Variants in CEP135 observed in about 807,000 individuals in gnomAD.
CEP135 encodes the protein centrosomal protein of 135 kDa.
In CEP135, 142 loss-of-function variants were observed where a neutral mutation model predicts 157.3. That is an observed-to-expected ratio of 0.90 (90% CI 0.79 to 1.04). The LOEUF is 1.04. Among genes scored for constraint, CEP135 ranks in the 50% least tolerant of loss-of-function variants. The pLI is 0.00. For synonymous variants in CEP135, 396 were observed against 439.8 expected, an observed-to-expected ratio of 0.90 and a Z score of 1.25; for missense variants, 1,317 against 1,309.2, an observed-to-expected ratio of 1.01 and a Z score of -0.09.
intron 17 of CEP135, among the ~76,000 whole-genome samples, chr4:56,001,514 GC>G (rs1238784538): frequency 6.6e-6 from 1 of 152,110 alleles, no homozygotes; most frequent in Non-Finnish European, 1.5e-5. Flanking sequence ...TGAAAAGACT[GC>G]CCTGTCCCCA....
Position 55,971,330 on chromosome 4 carries a change from G to A in CEP135, c.1171G>A (p.Asp391Asn). ...GAGTGATGAACTCCTTGTAAAATCA[G>A]ACCTAGAAACTGTTGTTCATCAGCT... is the stretch of plus-strand genomic sequence containing the variant. Reference protein sequence around the residue: ...RLSDELLVKSDLETVVHQLEQ... With the variant: ...RLSDELLVKSNLETVVHQLEQ... The change falls in exon 10 of 26, where the codon GAC (aspartate) becomes AAC (asparagine). Residue 391 changes from aspartate to asparagine, a missense_variant. By Grantham distance (23) the Asp-to-Asn change is conservative. Coordinates refer to ENST00000257287, the MANE Select transcript of CEP135 (RefSeq NM_025009.5). 1.2e-6 allele frequency: 2 copies of A among 1,607,314 alleles called. No individual in the cohort carries two copies. Among genetic ancestry groups the A allele is most frequent in the Non-Finnish European group, 1.7e-6 (2 of 1,177,140 alleles).
At position 55,953,090 on chromosome 4, in the gene CEP135, T is replaced by C; in HGVS notation, c.119T>C (p.Leu40Ser). ...TAAATTTTCTGTTCTTTTAGCGACT[T>C]AGTTCATACAACTGAGAGCCTTCGG... Reference protein sequence around the residue: ...LPLVEKLFSDLVHTTESLRQS... With the variant: ...LPLVEKLFSDSVHTTESLRQS... Residue 40 changes from leucine (L) to serine (S), a missense_variant, in exon 3 of 26, where the codon TTA becomes TCA. Leu to Ser is a moderately radical substitution (Grantham distance 145). Coordinates refer to ENST00000257287, the MANE Select transcript of CEP135 (RefSeq NM_025009.5). 6.4e-7 allele frequency: 1 copy of C among 1,568,994 alleles called. No individual in the cohort carries two copies. Among genetic ancestry groups the C allele is most frequent in the Non-Finnish European group, 8.6e-7 (1 of 1,165,956 alleles).
chr4:56,031,140 TA>T (rs1460429973), intron 25 of CEP135, among the ~76,000 whole-genome samples: 3 of 151,072 alleles, frequency 2.0e-5, no homozygotes, highest in African/African-American at 7.4e-5. Flanking sequence ...TCTAAATAAA[TA>T]AATAAATAAA....
chr4:55,980,909 C>T (rs922593806), intron 12 of CEP135, among the ~76,000 whole-genome samples: 3 of 152,090 alleles, frequency 2.0e-5, no homozygotes, highest in Non-Finnish European at 4.4e-5. Flanking sequence ...GGGGGGAATT[C>T]TGCAGTGTAA....
intron 13 of CEP135, among the ~76,000 whole-genome samples, chr4:55,982,716 A>AT (rs1340328876): frequency 6.6e-6 from 1 of 151,968 alleles, no homozygotes; most frequent in African/African-American, 2.4e-5. Context: ...TCTGTGGGTC[A>AT]TTTTTTCACT....
intron 25 of CEP135, among the ~76,000 whole-genome samples, chr4:56,026,859 C>T (rs1006328805): frequency 6.6e-6 from 1 of 152,150 alleles, no homozygotes; most frequent in Non-Finnish European, 1.5e-5. Flanking sequence ...AAAATGCATA[C>T]TCATTGACAG....
At chr4:56,009,606 C>A in intron 18 of CEP135, 129 bp from the exon 19 acceptor site, 3 of 740,514 alleles carry the variant, frequency 4.1e-6, no homozygotes, top group Non-Finnish European at 6.3e-6. Context: ...TCTCTTAATG[C>A]AGCAGTTATA....
intron 17 of CEP135, among the ~76,000 whole-genome samples, chr4:56,001,314 C>A (rs758047188): frequency 1.1e-4 from 16 of 152,212 alleles, no homozygotes; most frequent in Middle Eastern, 3.4e-3. Context: ...TAAAGTCTTA[C>A]ACAGACAATA....
At chr4:55,983,264 AT>A (rs1296501330) in intron 13 of CEP135, among the ~76,000 whole-genome samples, 1 of 152,210 alleles carries the variant, frequency 6.6e-6, no homozygotes, top group Non-Finnish European at 1.5e-5. Flanking sequence ...TAAAAATAGG[AT>A]TTTTTAAATG....
At chr4:55,977,329 C>T (rs1729257244) in intron 11 of CEP135, among the ~76,000 whole-genome samples, 1 of 152,134 alleles carries the variant, frequency 6.6e-6, no homozygotes, top group Non-Finnish European at 1.5e-5. Flanking sequence ...GTACTATCCT[C>T]CTCACCTTGT....
chr4:56,014,797 G>T (rs952727001), intron 21 of CEP135, among the ~76,000 whole-genome samples: 31 of 152,086 alleles, frequency 2.0e-4, no homozygotes, highest in African/African-American at 7.5e-4. Context: ...GGAAGGTCAG[G>T]GCAGGCAGAT....
At chr4:55,997,323 C>T (rs1730007819) in intron 15 of CEP135, among the ~76,000 whole-genome samples, 1 of 152,092 alleles carries the variant, frequency 6.6e-6, no homozygotes, top group African/African-American at 2.4e-5. Context: ...CTTTTAGGGC[C>T]CACCTAAGGG....
intron 1 of CEP135, among the ~76,000 whole-genome samples, chr4:55,949,520 A>G (rs922298286): frequency 1.3e-5 from 2 of 152,148 alleles, no homozygotes; most frequent in African/African-American, 4.8e-5. Context: ...AGCCTTTACT[A>G]CTTTGAGTTC....
At chr4:55,972,905 G>A (rs1729074457) in intron 10 of CEP135, among the ~76,000 whole-genome samples, 1 of 152,226 alleles carries the variant, frequency 6.6e-6, no homozygotes, top group East Asian at 1.9e-4. Flanking sequence ...GGTGGTGGGT[G>A]CCTGTAATCC....
Position 55,991,953 on chromosome 4 carries a change from A to T in CEP135, c.1877A>T (p.Glu626Val). The T allele has an allele frequency of 1.3e-6, 2 of 1,498,350 alleles. No individual in the cohort carries two copies. Among genetic ancestry groups the T allele is most frequent in the Non-Finnish European group, 1.8e-6 (2 of 1,100,570 alleles). 92.8% of individuals were successfully genotyped at this position (1,498,350 alleles called of 1,614,324 possible). A position where few individuals can be genotyped will look rare whatever the true frequency, so the allele number is the denominator to read the frequency against. Reference sequence around the variant, plus strand: ...TTATAGCTTGAAAGCGAAAAATATGAATTAAAGTCTAAAGTGTTAATAATG... The same window carrying T: ...TTATAGCTTGAAAGCGAAAAATATGTATTAAAGTCTAAAGTGTTAATAATG... Reference protein sequence around the residue: ...VNHQLESEKYELKSKVLIMKE... With the variant: ...VNHQLESEKYVLKSKVLIMKE... Residue 626 changes from glutamate to valine, a missense_variant, in exon 15 of 26, where the codon GAA becomes GTA. By Grantham distance (121) the Glu-to-Val change is moderately radical. Transcript: ENST00000257287.
rs993920105 is a variant in CEP135 at position 56,032,586 on chromosome 4, C to T, written c.*1238C>T. ...CAGTTCCCCAAAATGCCATTTTTAA[C>T]GCCGAACTGTGTAATATACATGGAA... On this transcript the variant is annotated 3_prime_UTR_variant, in exon 26 of 26. Coordinates refer to ENST00000257287, the MANE Select transcript of CEP135 (RefSeq NM_025009.5). 3.3e-5 allele frequency: 5 copies of T among 152,148 alleles called. No individual in the cohort carries two copies. The highest frequency in any genetic ancestry group is 6.6e-5 in the Admixed American group (1 of 15,264). The allele number at this position is 152,148 out of a possible 1,614,324, so 9.4% of individuals were successfully genotyped here.
Position 55,964,266 on chromosome 4 carries a change from A to G in CEP135, c.700-8A>G, listed in dbSNP as rs1401282702. ...TTTTTTAAAATGACAGCATGACTAT[A>G]TCTTCAGATTGAGCTAAGAGAACGA... On this transcript the variant is annotated splice_region_variant and splice_polypyrimidine_tract_variant and intron_variant, in intron 6 of 25. Coordinates refer to ENST00000257287, the MANE Select transcript of CEP135 (RefSeq NM_025009.5). 32 of 1,601,452 alleles carry G rather than the reference A, an allele frequency of 2.0e-5. No homozygotes were observed. The highest frequency in any genetic ancestry group is 2.7e-5 in the Non-Finnish European group (32 of 1,175,856).
rs1728537685 is a variant in CEP135, at chr4:55,957,251, G to A, written c.501G>A (p.Arg167=). 3.7e-6 allele frequency: 6 copies of A among 1,613,766 alleles called. No individual in the cohort carries two copies. In the African/African-American group the frequency reaches 4.0e-5, roughly 11 times the overall value. Reference sequence around the variant, plus strand: ...GCAAGAAAAGAAGTATTGCTTTCAGGCGCCAGCGTATGCAAATTGATGAAC... The same window carrying A: ...GCAAGAAAAGAAGTATTGCTTTCAGACGCCAGCGTATGCAAATTGATGAAC... ...PGGKKRSIAF[R]RQRMQIDEPV... The change falls in exon 5 of 26, where the codon AGG becomes AGA. Residue 167 remains arginine, a synonymous_variant. Transcript: ENST00000257287.
At position 56,019,443 on chromosome 4, in the gene CEP135, T is replaced by A; in HGVS notation, c.3103T>A (p.Ser1035Thr). The A allele has an allele frequency of 6.2e-7, 1 of 1,614,000 alleles. No homozygotes were observed. The highest frequency in any genetic ancestry group is 2.2e-5 in the East Asian group (1 of 44,844). ...GAGACATACAGTTAAAAACCTCGAA[T>A]CATTGTTGGCTACAAACAGAGATAA... ...NERHTVKNLE[S>T]LLATNRDKEF... is the part of the protein sequence containing the mutation. Residue 1035 changes from serine (S) to threonine (T), a missense_variant, in exon 23 of 26, where the codon TCA (serine) becomes ACA (threonine). By Grantham distance (58) the Ser-to-Thr change is moderately conservative. Transcript: ENST00000257287.
Sources: gnomAD v4.1 joint callset for allele counts (sites outside exome capture counted in the v4.1 genomes callset) on GRCh38, gnomAD v4.1.1 for gene constraint, MANE v1.5 for transcripts, NCBI Gene and HGNC (gene_info 2026-07-23, HGNC 2026-07-21) for gene names.